The following KAZN variants were observed in gnomAD, a reference collection of about 807,000 sequenced individuals.
KAZN encodes kazrin.
KAZN carries 40 observed loss-of-function variants against 87.4 expected under a neutral mutation model. The observed-to-expected ratio is 0.46, with a 90% CI of 0.36 to 0.60. The LOEUF (loss-of-function observed/expected upper bound fraction) is 0.60. Among genes scored for constraint, KAZN ranks in the 20% least tolerant of loss-of-function variants. The pLI is 0.00. For synonymous variants in KAZN, 466 were observed against 458.3 expected (o/e 1.02, Z -0.22); for missense variants, 898 against 1,073.9 (o/e 0.84, Z 2.29).
intron 1 of KAZN, among the ~76,000 whole-genome samples, chr1:14,885,097 GA>G (rs1424880932): frequency 6.6e-6 from 1 of 152,136 alleles, no homozygotes; most frequent in East Asian, 1.9e-4. Flanking sequence ...AGTCTTCTCC[GA>G]AAAACACTTT....
intron 8 of KAZN, among the ~76,000 whole-genome samples, chr1:15,093,476 TGA>T (rs1475413044): frequency 6.6e-6 from 1 of 151,856 alleles, no homozygotes; most frequent in Non-Finnish European, 1.5e-5. Context: ...GAAAGGATAT[TGA>T]GAAGCACACA....
At chr1:13,967,123 CA>C (rs1337651165) in intron 1 of KAZN, among the ~76,000 whole-genome samples, 1 of 151,964 alleles carries the variant, frequency 6.6e-6, no homozygotes, top group East Asian at 1.9e-4. Context: ...TTATTTTTTT[CA>C]AAGCTTTTTA....
chr1:14,731,128 G>A (rs145836231), intron 1 of KAZN, among the ~76,000 whole-genome samples: 194 of 152,312 alleles, frequency 1.3e-3, no homozygotes, highest in African/African-American at 4.4e-3. Flanking sequence ...TGCATCATTA[G>A]CATTGATAAA....
At chr1:14,966,809 C>CT (rs1040240883) in intron 2 of KAZN, among the ~76,000 whole-genome samples, 7 of 152,026 alleles carry the variant, frequency 4.6e-5, no homozygotes, top group Non-Finnish European at 1.0e-4. Context: ...GTAGCTGGGA[C>CT]TACAGGCATG....
intron 1 of KAZN, among the ~76,000 whole-genome samples, chr1:14,019,687 G>A (rs1640734147): frequency 1.3e-5 from 2 of 151,942 alleles, no homozygotes; most frequent in South Asian, 4.1e-4. Context: ...GGGTTTCTAG[G>A]TCAACTCTTT....
At chr1:14,972,925 T>C (rs1665231165) in intron 2 of KAZN, among the ~76,000 whole-genome samples, 1 of 152,016 alleles carries the variant, frequency 6.6e-6, no homozygotes, top group African/African-American at 2.4e-5. Flanking sequence ...GAACAGGGAC[T>C]GCAGTTTCAC....
intron 1 of KAZN, among the ~76,000 whole-genome samples, chr1:13,994,601 A>C (rs1459785511): frequency 5.3e-5 from 8 of 152,130 alleles, no homozygotes; most frequent in African/African-American, 1.9e-4. Flanking sequence ...TGTTCCTAGG[A>C]AGTTTATAGT....
intron 2 of KAZN, among the ~76,000 whole-genome samples, chr1:14,293,950 A>G (rs1324300628): frequency 2.0e-5 from 3 of 152,150 alleles, no homozygotes; most frequent in Non-Finnish European, 4.4e-5. Flanking sequence ...TAAAATCACA[A>G]TAGAAGTTAA....
chr1:14,224,005 A>T (rs1647173035), intron 2 of KAZN, among the ~76,000 whole-genome samples: 1 of 152,212 alleles, frequency 6.6e-6, no homozygotes, highest in African/African-American at 2.4e-5. Flanking sequence ...GGCACAGGGC[A>T]CTAGCTTCCT....
At chr1:14,031,393 A>T (rs1641322423) in intron 1 of KAZN, among the ~76,000 whole-genome samples, 5 of 152,208 alleles carry the variant, frequency 3.3e-5, no homozygotes, top group African/African-American at 1.2e-4. Flanking sequence ...TACCCAGATG[A>T]AGGATGCTTG....
intron 2 of KAZN, among the ~76,000 whole-genome samples, chr1:14,514,412 A>T: frequency 7.2e-5 from 2 of 27,620 alleles, no homozygotes; most frequent in African/African-American, 2.0e-4. Flanking sequence ...TATATAATAT[A>T]TAAATATATA....
intron 2 of KAZN, among the ~76,000 whole-genome samples, chr1:14,477,622 C>T (rs1245056002): frequency 1.3e-5 from 2 of 152,164 alleles, no homozygotes. Flanking sequence ...GCAGCACAAG[C>T]TCCTGGGCCC....
At chr1:14,727,003 C>T (rs1643413807) in intron 1 of KAZN, among the ~76,000 whole-genome samples, 1 of 152,152 alleles carries the variant, frequency 6.6e-6, no homozygotes, top group South Asian at 2.1e-4. Context: ...AGAAGCTGTG[C>T]CTTGAGCTAC....
intron 2 of KAZN, among the ~76,000 whole-genome samples, chr1:14,371,047 C>G (rs1159361335): frequency 6.6e-6 from 1 of 152,088 alleles, no homozygotes; most frequent in East Asian, 1.9e-4. Context: ...GTGATGAGCT[C>G]AACACTCATA....
At chr1:15,078,864 C>T (rs1185081731) in intron 8 of KAZN, among the ~76,000 whole-genome samples, 1 of 152,188 alleles carries the variant, frequency 6.6e-6, no homozygotes, top group Non-Finnish European at 1.5e-5. Context: ...AGAATTCCCC[C>T]CACCAAGGAC....
At chr1:14,757,226 G>C (rs1644595733) in intron 1 of KAZN, among the ~76,000 whole-genome samples, 1 of 152,198 alleles carries the variant, frequency 6.6e-6, no homozygotes, top group East Asian at 1.9e-4. Context: ...TGTTCACAAA[G>C]TGTACTCTGG....
At chr1:14,714,746 C>G (rs1000348) in intron 1 of KAZN, among the ~76,000 whole-genome samples, 49,591 of 150,258 alleles carry the variant, frequency 0.33, 8,441 homozygotes, top group Middle Eastern at 0.47. Context: ...GGTTTTCACA[C>G]TTTGGGGATG....
chr1:14,373,065 C>A (rs957932949), intron 2 of KAZN, among the ~76,000 whole-genome samples: 2 of 152,034 alleles, frequency 1.3e-5, no homozygotes, highest in African/African-American at 4.8e-5. Flanking sequence ...ACGTGACCAG[C>A]TGGAGGGACT....
At chr1:14,807,071 G>C (rs1646246323) in intron 1 of KAZN, among the ~76,000 whole-genome samples, 2 of 152,348 alleles carry the variant, frequency 1.3e-5, no homozygotes, top group East Asian at 3.9e-4. Context: ...GAGGCACTTG[G>C]TTTCTCTGTG....
Sources: gnomAD v4.1 joint callset for allele counts (sites outside exome capture counted in the v4.1 genomes callset) on GRCh38, gnomAD v4.1.1 for gene constraint, MANE v1.5 for transcripts, NCBI Gene and HGNC (gene_info 2026-07-23, HGNC 2026-07-21) for gene names.